WDTC1: variants seen among roughly 807,000 people sequenced by gnomAD.
The protein encoded by WDTC1 is WD and tetratricopeptide repeats 1, also known as WD and tetratricopeptide repeats protein 1.
A neutral mutation model predicts 76.0 loss-of-function variants in WDTC1; 12 were observed. The observed-to-expected ratio is 0.16, with a 90% CI of 0.10 to 0.26. WDTC1 has a LOEUF of 0.26. Ranked by LOEUF, WDTC1 falls within the 10% of genes least tolerant of loss-of-function variation. WDTC1 has a pLI of 1.00. For synonymous variants in WDTC1, 326 were observed against 350.8 expected (o/e 0.93, Z 0.79); for missense variants, 511 against 908.8 (o/e 0.56, Z 5.63).
intron 3 of WDTC1, among the ~76,000 whole-genome samples, chr1:27,278,899 C>T (rs988840038): frequency 1.3e-5 from 2 of 152,026 alleles, no homozygotes; most frequent in African/African-American, 4.8e-5. Context: ...CCCGTCTCAA[C>T]TAAAAATACA....
upstream of WDTC1, chr1:27,234,493 A>G (rs908790751): frequency 6.1e-5 from 20 of 329,188 alleles, no homozygotes; most frequent in South Asian, 1.6e-4. Flanking sequence ...CCGGCAGCAG[A>G]CGTTGACCGG....
Position 27,264,320 on chromosome 1 carries a change from A to C in WDTC1, c.132+1085A>C, listed in dbSNP as rs149259808. On this transcript the variant is annotated intron_variant, in intron 3 of 15. Coordinates refer to ENST00000319394, the MANE Select transcript of WDTC1 (RefSeq NM_001276252.2). ...AAAAAAATAAAAGAAAGCCAGGTTC[A>C]ATGACACATGCCTATAGTCCCAGCT... Among the ~76,000 whole-genome samples the C allele has an allele frequency of 7.6e-3, 1,149 of 152,054 alleles. 17 individuals carry two copies. Among genetic ancestry groups the C allele is most frequent in the African/African-American group, 0.026 (1,074 of 41,512 alleles).
At chr1:27,300,756 G>T (rs920193361) in intron 12 of WDTC1, among the ~76,000 whole-genome samples, 22 of 152,292 alleles carry the variant, frequency 1.4e-4, no homozygotes, top group Middle Eastern at 6.8e-3. Flanking sequence ...TGCGTCCCCA[G>T]CCTGACACTT....
chr1:27,295,342 C>T (rs918199595), intron 9 of WDTC1, among the ~76,000 whole-genome samples: 1 of 152,194 alleles, frequency 6.6e-6, no homozygotes, highest in African/African-American at 2.4e-5. Flanking sequence ...ATAAGCCAGA[C>T]ATTCCTGGAC....
At chr1:27,296,600 C>CT (rs1217897358) in intron 10 of WDTC1, among the ~76,000 whole-genome samples, 199 bp downstream of exon 10, 1 of 152,172 alleles carries the variant, frequency 6.6e-6, no homozygotes, top group Non-Finnish European at 1.5e-5. Flanking sequence ...CATCACTGCC[C>CT]TTTTTGCTTC....
At chr1:27,289,399 A>G (rs2013458283) in intron 6 of WDTC1, among the ~76,000 whole-genome samples, 1 of 150,928 alleles carries the variant, frequency 6.6e-6, no homozygotes, top group Non-Finnish European at 1.5e-5. Flanking sequence ...GCGGCCGGGC[A>G]GAGGCGCTCC....
rs201889881 is a variant in WDTC1, at chr1:27,263,242, G to C, written c.132+7G>C. 6.2e-7 allele frequency: 1 copy of C among 1,612,352 alleles called. No individual in the cohort carries two copies. The highest frequency in any genetic ancestry group is 8.5e-7 in the Non-Finnish European group (1 of 1,179,568). ...CCTGGAAGCAGAGCTGCAGGTAAGAGATCCAGTTTGCACCTTAGATGCAGA... is the reference window on the plus strand; with the variant it reads ...CCTGGAAGCAGAGCTGCAGGTAAGACATCCAGTTTGCACCTTAGATGCAGA... On this transcript the variant is annotated splice_region_variant and intron_variant, in intron 3 of 15. Coordinates refer to ENST00000319394, the MANE Select transcript of WDTC1 (RefSeq NM_001276252.2).
At chr1:27,294,282 A>T (rs2013623212) in intron 8 of WDTC1, among the ~76,000 whole-genome samples, 166 bp downstream of exon 8, 2 of 152,230 alleles carry the variant, frequency 1.3e-5, no homozygotes. Flanking sequence ...TGTCACCTTC[A>T]GCAAATTACA....
At position 27,294,613 on chromosome 1, in the gene WDTC1, A is replaced by G; in HGVS notation, c.857A>G (p.Asn286Ser). 1 of 1,613,994 alleles carries G rather than the reference A, an allele frequency of 6.2e-7. No individual in the cohort carries two copies. The highest frequency in any genetic ancestry group is 8.5e-7 in the Non-Finnish European group (1 of 1,179,898). The stretch of plus-strand genomic sequence containing the variant: ...CCCAATGGCACAGAGCTACTAGTCA[A>G]CATGGGGGGGGAACAGGTATGTACA... ...FSPNGTELLV[N>S]MGGEQVYLFD... is the part of the protein sequence containing the mutation. The change falls in exon 9 of 16, where the codon AAC (asparagine) becomes AGC (serine). Residue 286 changes from asparagine (N) to serine (S), a missense_variant. Transcript: ENST00000319394.
At chr1:27,251,328 G>A (rs1175383290) in intron 1 of WDTC1, among the ~76,000 whole-genome samples, 1 of 151,990 alleles carries the variant, frequency 6.6e-6, no homozygotes, top group Non-Finnish European at 1.5e-5. Flanking sequence ...TAGAGCTCCA[G>A]GAATAGAATA....
chr1:27,268,707 C>T (rs2012755799), intron 3 of WDTC1, among the ~76,000 whole-genome samples: 1 of 149,722 alleles, frequency 6.7e-6, no homozygotes, highest in African/African-American at 2.5e-5. Context: ...TGAGCCACTG[C>T]GCCCAGCCGA....
intron 3 of WDTC1, among the ~76,000 whole-genome samples, chr1:27,279,951 T>C (rs546936528): frequency 6.6e-6 from 1 of 152,340 alleles, no homozygotes; most frequent in East Asian, 1.9e-4. Flanking sequence ...GCTATCAAAG[T>C]AACCACTCAA....
chr1:27,304,370 G>A (rs973782531), intron 14 of WDTC1: 18 of 157,642 alleles, frequency 1.1e-4, no homozygotes, highest in Non-Finnish European at 2.5e-4. Flanking sequence ...AGCACTTGGG[G>A]AGGCTGAAGC....
intron 3 of WDTC1, among the ~76,000 whole-genome samples, chr1:27,271,144 A>G (rs1267861212): frequency 6.6e-6 from 1 of 152,112 alleles, no homozygotes; most frequent in African/African-American, 2.4e-5. Context: ...AGCGGGTGGG[A>G]GGTATAAGGT....
At chr1:27,289,053 C>T (rs1388159080) in intron 6 of WDTC1, among the ~76,000 whole-genome samples, 3 of 145,890 alleles carry the variant, frequency 2.1e-5, no homozygotes, top group East Asian at 2.1e-4. Context: ...ACCTCCCTCC[C>T]GGACGGGGCG....
intron 1 of WDTC1, among the ~76,000 whole-genome samples, chr1:27,242,311 A>T (rs2011652842): frequency 6.6e-6 from 1 of 152,162 alleles, no homozygotes; most frequent in Non-Finnish European, 1.5e-5. Flanking sequence ...ACAAAAAATA[A>T]AAATAAAAGT....
intron 1 of WDTC1, among the ~76,000 whole-genome samples, chr1:27,251,345 G>C (rs959901871): frequency 3.9e-5 from 6 of 151,998 alleles, no homozygotes; most frequent in Non-Finnish European, 8.8e-5. Flanking sequence ...AATACCTTTT[G>C]GGAGGTGTAA....
intron 4 of WDTC1, among the ~76,000 whole-genome samples, chr1:27,282,574 C>T (rs572103499): frequency 2.0e-5 from 3 of 152,186 alleles, no homozygotes; most frequent in Admixed American, 2.0e-4. Flanking sequence ...GTGATCTTGG[C>T]TCACTGCAAC....
intron 6 of WDTC1, among the ~76,000 whole-genome samples, chr1:27,289,110 G>C (rs2013442049): frequency 2.0e-5 from 3 of 149,262 alleles, no homozygotes; most frequent in South Asian, 2.1e-4. Flanking sequence ...CCTGGACGGG[G>C]CGGCTGGCTG....
Sources: allele counts gnomAD v4.1 joint callset (sites outside exome capture counted in the v4.1 genomes callset), GRCh38; gene constraint gnomAD v4.1.1; transcripts MANE v1.5; gene names NCBI Gene and HGNC (gene_info 2026-07-23, HGNC 2026-07-21).